CPLANE1: variants seen among roughly 807,000 people sequenced by gnomAD.
CPLANE1 encodes the protein ciliogenesis and planar polarity effector 1.
CPLANE1 carries 263 observed loss-of-function variants against 362.5 expected under a neutral mutation model. The observed-to-expected ratio is 0.73, with a 90% CI of 0.66 to 0.80. CPLANE1 has a LOEUF of 0.80. Among genes scored for constraint, CPLANE1 ranks in the 30% least tolerant of loss-of-function variants. The pLI is 0.00. For missense variants in CPLANE1, 3,461 were observed against 3,793.4 expected, an observed-to-expected ratio of 0.91 and a Z score of 2.30; for synonymous variants, 1,212 against 1,302.6, an observed-to-expected ratio of 0.93 and a Z score of 1.50.
At position 37,205,358 on chromosome 5, in the gene CPLANE1, C is replaced by T; in HGVS notation, c.3246G>A (p.Leu1082=). The change falls in exon 18 of 53, where the codon TTG becomes TTA. Residue 1082 remains leucine, a synonymous_variant. Transcript: ENST00000651892. ...LQCVLGQPAS[L]EAKNEMGSKY... ...TTGAGCCCATTTCATTTTTTGCTTC[C>T]AAAGAGGCTGGTTGACCTAAAACAC... 2.6e-6 allele frequency: 4 copies of T among 1,550,160 alleles called. No individual in the cohort carries two copies. Among genetic ancestry groups the T allele is most frequent in the Non-Finnish European group, 3.5e-6 (4 of 1,146,364 alleles).
chr5:37,249,215 T>C (rs1042888919), intron 1 of CPLANE1, 30 bp downstream of exon 1: 2 of 152,580 alleles, frequency 1.3e-5, no homozygotes, highest in African/African-American at 2.4e-5. Context: ...GAGGCCAGGA[T>C]CGCGGGGTAA....
chr5:37,103,690 T>C (rs1757406366), downstream of CPLANE1, among the ~76,000 whole-genome samples: 1 of 152,226 alleles, frequency 6.6e-6, no homozygotes, highest in Non-Finnish European at 1.5e-5. Context: ...TGTTGAATAT[T>C]TGCCACCAAT....
At chr5:37,162,400 A>G (rs1436585395) in intron 38 of CPLANE1, 65 bp downstream of exon 38, 5 of 976,702 alleles carry the variant, frequency 5.1e-6, no homozygotes, top group Non-Finnish European at 7.8e-6. Flanking sequence ...TCTTAAAGGA[A>G]AAGTCTAGAT....
chr5:37,166,357 G>A (rs978947736), intron 35 of CPLANE1, among the ~76,000 whole-genome samples: 9 of 152,024 alleles, frequency 5.9e-5, no homozygotes, highest in African/African-American at 1.9e-4. Context: ...TAAAGAATAC[G>A]GTAAGATGAT....
At chr5:37,164,219 A>G (rs1777637946) in intron 37 of CPLANE1, 54 bp downstream of exon 37, 1 of 1,345,684 alleles carries the variant, frequency 7.4e-7, no homozygotes, top group Non-Finnish European at 1.1e-6. Context: ...ATATTTCTAG[A>G]AAGCTAATTT....
At chr5:37,120,579 C>T (rs1486831080) in intron 49 of CPLANE1, among the ~76,000 whole-genome samples, 2 of 152,144 alleles carry the variant, frequency 1.3e-5, no homozygotes, top group Non-Finnish European at 2.9e-5. Context: ...GACCCTGTTA[C>T]TTTAAGGAAA....
chr5:37,118,858 C>T (rs377270013), intron 50 of CPLANE1, among the ~76,000 whole-genome samples: 18 of 151,854 alleles, frequency 1.2e-4, no homozygotes, highest in African/African-American at 3.6e-4. Context: ...GGACTACAGG[C>T]GCACACCACC....
Position 37,245,761 on chromosome 5 carries a change from T to C in CPLANE1, c.166A>G (p.Ser56Gly). The change falls in exon 3 of 53, where the codon AGT becomes GGT. Residue 56 changes from serine to glycine, a missense_variant. Coordinates refer to ENST00000651892, the MANE Select transcript of CPLANE1 (RefSeq NM_001384732.1). Reference protein sequence around the residue: ...LSGKIKKKIPSLQPFLKDVIV... With the variant: ...LSGKIKKKIPGLQPFLKDVIV... ...ACATCCTTCAAGAAAGGCTGCAGAC[T>C]AGGAATTTTCTTCTTTATCTTTCCT... The C allele has an allele frequency of 3.2e-6, 5 of 1,539,560 alleles. No individual in the cohort carries two copies. Among genetic ancestry groups the C allele is most frequent in the Non-Finnish European group, 4.4e-6 (5 of 1,143,266 alleles).
At chr5:37,227,429 A>T (rs1796689043) in intron 10 of CPLANE1, 37 bp from the exon 11 acceptor site, 1 of 1,512,212 alleles carries the variant, frequency 6.6e-7, no homozygotes, top group Non-Finnish European at 8.8e-7. Flanking sequence ...CAAGAGCAAA[A>T]TGTTATCTGT....
intron 29 of CPLANE1, 53 bp downstream of exon 29, chr5:37,179,308 A>G: frequency 8.9e-7 from 1 of 1,120,732 alleles, no homozygotes; most frequent in Non-Finnish European, 1.3e-6. Flanking sequence ...GTATAATTTA[A>G]ACACTATACA....
chr5:37,224,216 C>T, intron 14 of CPLANE1, 37 bp downstream of exon 14: 1 of 1,381,950 alleles, frequency 7.2e-7, no homozygotes, highest in Non-Finnish European at 1.0e-6. Context: ...AGGAGTCCTG[C>T]TAATATTATG....
intron 1 of CPLANE1, among the ~76,000 whole-genome samples, chr5:37,248,860 T>C (rs1740739150): frequency 6.6e-6 from 1 of 152,222 alleles, no homozygotes; most frequent in African/African-American, 2.4e-5. Context: ...AATCCATTAG[T>C]CAATCTTAAA....
chr5:37,215,528 A>C (rs1793795337), intron 15 of CPLANE1, among the ~76,000 whole-genome samples: 1 of 152,118 alleles, frequency 6.6e-6, no homozygotes, highest in Non-Finnish European at 1.5e-5. Flanking sequence ...TTATACACGA[A>C]TTTTTGACAG....
intron 27 of CPLANE1, 76 bp from the exon 28 acceptor site, chr5:37,180,259 TG>T (rs1782309196): frequency 8.9e-6 from 9 of 1,006,244 alleles, no homozygotes; most frequent in Non-Finnish European, 5.4e-6. Flanking sequence ...GTTTTTTTTT[TG>T]TTTTTTTTTT....
rs779388665 is a variant in CPLANE1 at position 37,168,901 on chromosome 5, T to A, written c.7123A>T (p.Thr2375Ser). The A allele has an allele frequency of 1.9e-6, 3 of 1,614,030 alleles. No individual in the cohort carries two copies. In the African/African-American group the frequency reaches 4.0e-5, roughly 22 times the overall value. Residue 2375 changes from threonine to serine, a missense_variant, in exon 34 of 53, where the codon ACC becomes TCC. Physicochemically the swap from Thr to Ser is moderately conservative, Grantham distance 58. This residue lies in a region of CPLANE1 where 3,380 missense variants were observed against 3,666.1 expected (regional missense o/e 0.92). Transcript: ENST00000651892. ...GGAACTGTAATAGATGCTCTTGAGG[T>A]TGATGGAAACATATTAGGAGGTTTA... ...PLKPPNMFPS[T>S]SRASITVPST...
Position 37,142,411 on chromosome 5 carries a change from G to T in CPLANE1, c.8531C>A (p.Ser2844Ter). 1 of 1,610,382 alleles carries T rather than the reference G, an allele frequency of 6.2e-7. No homozygotes were observed. The highest frequency in any genetic ancestry group is 1.1e-5 in the South Asian group (1 of 90,266). Reference protein sequence around the residue: ...DKKETSEPEFSITENYSGQKT... With the variant: ...DKKETSEPEF ...CTGACCAGAATAATTTTCTGTTATT[G>T]AAAATTCAGGTTCTGAAGTCTCCTT... The change falls in exon 44 of 53, where the codon TCA (serine) becomes TAA (stop). Residue 2844 changes from serine to a stop codon, truncating the protein, a stop_gained. Coordinates refer to ENST00000651892, the MANE Select transcript of CPLANE1 (RefSeq NM_001384732.1). LOFTEE classifies it high-confidence loss of function.
Position 37,183,182 on chromosome 5 carries a change from C to G in CPLANE1, c.4999G>C (p.Glu1667Gln). 6.2e-7 allele frequency: 1 copy of G among 1,611,352 alleles called. No individual in the cohort carries two copies. Among genetic ancestry groups the G allele is most frequent in the Non-Finnish European group, 8.5e-7 (1 of 1,178,906 alleles). Residue 1667 changes from glutamate (E) to glutamine (Q), a missense_variant, in exon 26 of 53, where the codon GAA (glutamate) becomes CAA (glutamine). By Grantham distance (29) the Glu-to-Gln change is conservative. Around this residue, in one of 2 missense-constraint regions of CPLANE1, gnomAD observed 3,380 missense variants for 3,666.1 expected, o/e 0.92. Coordinates refer to ENST00000651892, the MANE Select transcript of CPLANE1 (RefSeq NM_001384732.1). Reference protein sequence around the residue: ...IKPFLQYPSNEVNKNEGMSGL... With the variant: ...IKPFLQYPSNQVNKNEGMSGL... ...CTCATTCCTTCATTCTTATTGACTT[C>G]ATTCGAAGGATATTGTAAAAAAGGT...
rs778078642 is a variant in CPLANE1, at chr5:37,158,231, G to A, written c.7805C>T (p.Thr2602Ile). 1.9e-6 allele frequency: 3 copies of A among 1,613,448 alleles called. No homozygotes were observed. Among genetic ancestry groups the A allele is most frequent in the Non-Finnish European group, 2.5e-6 (3 of 1,179,638 alleles). ...PWSPSIPHTV[T>I]NLVGHTYINV... ...TCTGAATAAAACACAAACCAAGTTTGTTACTGTATGAGGTATTGAGGGTGA... is the reference window on the plus strand; with the variant it reads ...TCTGAATAAAACACAAACCAAGTTTATTACTGTATGAGGTATTGAGGGTGA... The change falls in exon 39 of 53, where the codon ACA (threonine) becomes ATA (isoleucine). Residue 2602 changes from threonine to isoleucine, a missense_variant. By Grantham distance (89) the Thr-to-Ile change is moderately conservative. This residue lies in a region of CPLANE1 where 3,380 missense variants were observed against 3,666.1 expected (regional missense o/e 0.92). Coordinates refer to ENST00000651892, the MANE Select transcript of CPLANE1 (RefSeq NM_001384732.1).
chr5:37,106,886 G>A lies in CPLANE1; in HGVS notation c.*716C>T. 1 of 984,978 alleles carries A rather than the reference G, an allele frequency of 1.0e-6. No homozygotes were observed. Among genetic ancestry groups the A allele is most frequent in the Non-Finnish European group, 1.2e-6 (1 of 829,560 alleles). 61.0% of individuals were successfully genotyped at this position (984,978 alleles called of 1,614,324 possible). A position where few individuals can be genotyped will look rare whatever the true frequency, so the allele number is the denominator to read the frequency against. On this transcript the variant is annotated 3_prime_UTR_variant, in exon 53 of 53. Transcript: ENST00000651892. ...TATCTCTTAAAACTATGACATTATT[G>A]GAGCACAATACCAAAAACTAATCAG...
Sources: gnomAD v4.1 joint callset for allele counts (sites outside exome capture counted in the v4.1 genomes callset) on GRCh38, gnomAD v4.1.1 for gene constraint, gnomAD v4.1.1 regional missense constraint, MANE v1.5 for transcripts, NCBI Gene and HGNC (gene_info 2026-07-23, HGNC 2026-07-21) for gene names.